NR6A1: variants seen among roughly 807,000 people sequenced by gnomAD.
NR6A1 encodes the protein nuclear receptor subfamily 6 group A member 1.
NR6A1 carries 7 observed loss-of-function variants against 59.1 expected under a neutral mutation model. That is an observed-to-expected ratio of 0.12 (90% CI 0.07 to 0.22). The LOEUF is 0.22. Ranked by LOEUF, NR6A1 falls within the 10% of genes least tolerant of loss-of-function variation. NR6A1 has a pLI of 1.00. For synonymous variants in NR6A1, 243 were observed against 236.1 expected (o/e 1.03, Z -0.27); for missense variants, 468 against 611.6 (o/e 0.77, Z 2.48).
At chr9:124,612,152 T>C (rs1289990111) in intron 2 of NR6A1, among the ~76,000 whole-genome samples, 1 of 152,294 alleles carries the variant, frequency 6.6e-6, no homozygotes, top group East Asian at 1.9e-4. Context: ...TGATAAGGTT[T>C]CCAAACAAAA....
At chr9:124,580,252 T>C (rs747972609) in intron 2 of NR6A1, among the ~76,000 whole-genome samples, 1 of 152,126 alleles carries the variant, frequency 6.6e-6, no homozygotes, top group Non-Finnish European at 1.5e-5. Flanking sequence ...AATAAACTAT[T>C]AATACATATA....
chr9:124,605,172 C>CT (rs926523553), intron 2 of NR6A1, among the ~76,000 whole-genome samples: 6 of 152,146 alleles, frequency 3.9e-5, no homozygotes, highest in Middle Eastern at 3.2e-3. Context: ...AATAAAAGAA[C>CT]TACAAAGTTC....
intron 2 of NR6A1, among the ~76,000 whole-genome samples, chr9:124,707,117 TCTC>T (rs146309124): frequency 0.018 from 2,761 of 152,236 alleles, 76 homozygotes; most frequent in African/African-American, 0.062. Context: ...CTCTCATTCT[TCTC>T]CTCCCATGAG....
intron 1 of NR6A1, among the ~76,000 whole-genome samples, chr9:124,743,589 T>C (rs1035928482): frequency 2.0e-5 from 3 of 152,218 alleles, no homozygotes; most frequent in Non-Finnish European, 4.4e-5. Context: ...ACCTTTCATA[T>C]AGTTTTTCCG....
chr9:124,759,116 T>C (rs974263037), intron 1 of NR6A1, among the ~76,000 whole-genome samples: 2 of 152,228 alleles, frequency 1.3e-5, no homozygotes, highest in African/African-American at 4.8e-5. Flanking sequence ...TAACCCACAC[T>C]GCCTATCCTC....
chr9:124,617,578 A>T (rs1467345637), intron 2 of NR6A1, among the ~76,000 whole-genome samples: 1 of 152,178 alleles, frequency 6.6e-6, no homozygotes, highest in Non-Finnish European at 1.5e-5. Context: ...TGGAAACTAT[A>T]GAAAGCTTTA....
intron 2 of NR6A1, among the ~76,000 whole-genome samples, chr9:124,703,449 C>T (rs1406661693): frequency 1.3e-5 from 2 of 151,488 alleles, no homozygotes; most frequent in African/African-American, 4.9e-5. Context: ...CTCATGCAAT[C>T]CTCCCACCTC....
intron 2 of NR6A1, among the ~76,000 whole-genome samples, chr9:124,576,412 C>T (rs868853941): frequency 1.3e-5 from 2 of 152,086 alleles, no homozygotes; most frequent in African/African-American, 4.8e-5. Flanking sequence ...CTCAGTCTCC[C>T]GAGTAGCTGG....
At chr9:124,717,367 G>C (rs192784330) in intron 2 of NR6A1, among the ~76,000 whole-genome samples, 10 of 152,072 alleles carry the variant, frequency 6.6e-5, no homozygotes, top group Non-Finnish European at 1.0e-4. Flanking sequence ...ACTATGGTAC[G>C]GTCAAAGGAA....
chr9:124,704,710 T>C (rs947254660), intron 2 of NR6A1, among the ~76,000 whole-genome samples: 4 of 152,194 alleles, frequency 2.6e-5, no homozygotes, highest in Non-Finnish European at 5.9e-5. Flanking sequence ...TAAATTTTGA[T>C]ATGTTACGTT....
intron 2 of NR6A1, among the ~76,000 whole-genome samples, chr9:124,621,036 C>G (rs957122832): frequency 1.3e-5 from 2 of 152,032 alleles, no homozygotes; most frequent in Non-Finnish European, 2.9e-5. Flanking sequence ...CACCCAGAGC[C>G]CAGATCGAAA....
rs117086652 is a variant in NR6A1, at chr9:124,602,927, G to A, written c.143-48357C>T. 9.0e-3 allele frequency among the ~76,000 whole-genome samples: 1,365 copies of A among 152,204 alleles called. 10 individuals are homozygous for A. Among genetic ancestry groups the A allele is most frequent in the Non-Finnish European group, 0.014 (966 of 68,016 alleles). ...AGCCATGCTGACCCACTTACTTATA[G>A]TGCAAATATTATACTAAGCTATTCC... On this transcript the variant is annotated intron_variant, in intron 2 of 9. Transcript: ENST00000487099.
At chr9:124,635,994 G>A (rs1340678660) in intron 2 of NR6A1, among the ~76,000 whole-genome samples, 2 of 152,186 alleles carry the variant, frequency 1.3e-5, no homozygotes, top group Non-Finnish European at 2.9e-5. Flanking sequence ...AAAAGTTCTT[G>A]CCCTTCCACA....
chr9:124,714,039 T>TA (rs1339063184), intron 2 of NR6A1, among the ~76,000 whole-genome samples: 1 of 152,188 alleles, frequency 6.6e-6, no homozygotes, highest in East Asian at 1.9e-4. Context: ...GGTATATACA[T>TA]ACAATGCAAT....
At chr9:124,768,756 TAATG>T (rs1242727290) in intron 1 of NR6A1, among the ~76,000 whole-genome samples, 2 of 152,246 alleles carry the variant, frequency 1.3e-5, no homozygotes, top group Non-Finnish European at 2.9e-5. Flanking sequence ...TAAAATGTAC[TAATG>T]AATAATTAAT....
At chr9:124,753,194 C>T (rs1036976512) in intron 1 of NR6A1, among the ~76,000 whole-genome samples, 1 of 152,202 alleles carries the variant, frequency 6.6e-6, no homozygotes, top group African/African-American at 2.4e-5. Context: ...CTTCTGATTA[C>T]ATCAGAAGAA....
chr9:124,710,408 C>T (rs184749273), intron 2 of NR6A1, among the ~76,000 whole-genome samples: 2 of 152,188 alleles, frequency 1.3e-5, no homozygotes, highest in African/African-American at 4.8e-5. Context: ...CACACACACA[C>T]ATACACACAC....
chr9:124,601,476 C>T (rs1362771053), intron 2 of NR6A1, among the ~76,000 whole-genome samples: 38 of 146,112 alleles, frequency 2.6e-4, no homozygotes, highest in African/African-American at 8.6e-4. Context: ...CCCAGCTACT[C>T]GGGGGGCTGA....
At chr9:124,746,794 A>C (rs762151510) in intron 1 of NR6A1, among the ~76,000 whole-genome samples, 14 of 152,178 alleles carry the variant, frequency 9.2e-5, no homozygotes, top group Admixed American at 2.0e-4. Flanking sequence ...CAAATTCAAC[A>C]AATATTTACC....
Sources: gnomAD v4.1 joint callset for allele counts (sites outside exome capture counted in the v4.1 genomes callset) on GRCh38, gnomAD v4.1.1 for gene constraint, MANE v1.5 for transcripts, NCBI Gene and HGNC (gene_info 2026-07-23, HGNC 2026-07-21) for gene names.